DLC1: variants seen among roughly 807,000 people sequenced by gnomAD.
DLC1 encodes DLC1 Rho GTPase activating protein, also known as rho GTPase-activating protein 7.
A neutral mutation model predicts 140.3 loss-of-function variants in DLC1; 54 were observed. The ratio of observed to expected loss-of-function variants is 0.38; its 90% confidence interval spans 0.31 to 0.48. DLC1 has a LOEUF of 0.48. Among genes scored for constraint, DLC1 ranks in the 20% least tolerant of loss-of-function variants. DLC1 has a pLI of 0.96. For missense variants in DLC1, 2,536 were observed against 1,907.0 expected (o/e 1.33, Z -6.14); for synonymous variants, 986 against 728.1 (o/e 1.35, Z -5.70).
intron 5 of DLC1, among the ~76,000 whole-genome samples, chr8:13,246,175 G>T (rs1401783982): frequency 6.6e-6 from 1 of 152,110 alleles, no homozygotes; most frequent in Non-Finnish European, 1.5e-5. Flanking sequence ...TTTAGAGGCT[G>T]TTTGCAATAA....
chr8:13,405,063 G>C (rs1441599078), intron 2 of DLC1, among the ~76,000 whole-genome samples: 4 of 151,252 alleles, frequency 2.6e-5, no homozygotes, highest in African/African-American at 9.7e-5. Context: ...TTTTTTAGTA[G>C]TGGTTCCTTT....
chr8:13,326,712 C>T lies in DLC1; in HGVS notation c.1315-21410G>A, dbSNP rs116216918. Among the ~76,000 whole-genome samples the T allele has an allele frequency of 3.5e-3, 536 of 152,268 alleles. 1 individual carries two copies. Among genetic ancestry groups the T allele is most frequent in the African/African-American group, 0.012 (519 of 41,542 alleles). ...TTCAGCGTGCATTGGAATCATCTAC[C>T]GGGCCTGCTCTCAAAGTTTTCTGAT... On this transcript the variant is annotated intron_variant, in intron 4 of 17. Transcript: ENST00000276297.
At chr8:13,452,021 A>G (rs937225473) in intron 2 of DLC1, among the ~76,000 whole-genome samples, 3 of 152,030 alleles carry the variant, frequency 2.0e-5, no homozygotes, top group Non-Finnish European at 4.4e-5. Flanking sequence ...TATTTTTTTA[A>G]ATCAGACTTT....
intron 5 of DLC1, among the ~76,000 whole-genome samples, chr8:13,217,385 A>G (rs1407873835): frequency 6.6e-6 from 1 of 152,178 alleles, no homozygotes; most frequent in Non-Finnish European, 1.5e-5. Flanking sequence ...TCTTTGTACT[A>G]AGTTGTGCAT....
chr8:13,086,015 T>A, intron 17 of DLC1, 84 bp from the exon 18 acceptor site: 1 of 1,557,890 alleles, frequency 6.4e-7, no homozygotes, highest in South Asian at 1.2e-5. Context: ...GTTTGCTAGT[T>A]CAAATGCATA....
intron 4 of DLC1, among the ~76,000 whole-genome samples, chr8:13,352,038 G>A (rs1434626000): frequency 1.3e-5 from 2 of 152,160 alleles, no homozygotes; most frequent in African/African-American, 2.4e-5. Flanking sequence ...CCAGCCATAT[G>A]TCTCTATTTA....
chr8:13,482,760 G>A (rs1320717389), intron 2 of DLC1, among the ~76,000 whole-genome samples: 1 of 152,204 alleles, frequency 6.6e-6, no homozygotes, highest in African/African-American at 2.4e-5. Flanking sequence ...ATAAGATCAT[G>A]CTTGAAGTGC....
intron 4 of DLC1, among the ~76,000 whole-genome samples, chr8:13,335,320 T>G (rs1833774888): frequency 6.6e-6 from 1 of 152,042 alleles, no homozygotes. Context: ...TACAGTAGAG[T>G]TCAACTATAA....
intron 5 of DLC1, among the ~76,000 whole-genome samples, chr8:13,223,508 C>A (rs957278797): frequency 6.6e-6 from 1 of 152,106 alleles, no homozygotes; most frequent in Non-Finnish European, 1.5e-5. Context: ...AAATTGCCCA[C>A]CAGTGATATT....
intron 2 of DLC1, among the ~76,000 whole-genome samples, chr8:13,413,204 G>T (rs1837868579): frequency 6.8e-6 from 1 of 146,270 alleles, no homozygotes; most frequent in Admixed American, 6.9e-5. Flanking sequence ...CTTTGAATAT[G>T]GCCCAACACA....
At chr8:13,397,709 G>A (rs1043511242) in intron 3 of DLC1, among the ~76,000 whole-genome samples, 2 of 151,892 alleles carry the variant, frequency 1.3e-5, no homozygotes, top group South Asian at 2.1e-4. Flanking sequence ...GGTAATGTGC[G>A]CTTGTATTCT....
chr8:13,469,272 T>C (rs959847015), intron 2 of DLC1, among the ~76,000 whole-genome samples: 10 of 152,226 alleles, frequency 6.6e-5, no homozygotes, highest in South Asian at 2.1e-4. Context: ...ACTTAAAAAC[T>C]GAGATCAATA....
At chr8:13,584,881 C>A (rs779393430) in intron 1 of DLC1, among the ~76,000 whole-genome samples, 3 of 152,152 alleles carry the variant, frequency 2.0e-5, no homozygotes, top group Non-Finnish European at 2.9e-5. Flanking sequence ...TAATCTGAAA[C>A]CTTTCCCCAC....
chr8:13,133,277 G>A (rs989253453), intron 5 of DLC1: 7 of 1,319,042 alleles, frequency 5.3e-6, no homozygotes, highest in Middle Eastern at 2.9e-4. Flanking sequence ...CGCTCGGGCA[G>A]TCGGAGCGAA....
chr8:13,353,841 G>A (rs1428413216), intron 4 of DLC1, among the ~76,000 whole-genome samples: 1 of 150,764 alleles, frequency 6.6e-6, no homozygotes, highest in Non-Finnish European at 1.5e-5. Context: ...TGGGGGACAA[G>A]AGTGAGACTT....
chr8:13,088,735 G>C (rs1288147738), intron 15 of DLC1, 31 bp from the exon 16 acceptor site: 2 of 1,608,536 alleles, frequency 1.2e-6, no homozygotes, highest in Non-Finnish European at 1.7e-6. Context: ...TCAGTGCCAA[G>C]GCAATCCATA....
At chr8:13,443,884 G>C (rs1185813533) in intron 2 of DLC1, among the ~76,000 whole-genome samples, 1 of 151,962 alleles carries the variant, frequency 6.6e-6, no homozygotes. Flanking sequence ...CATGTTTGGC[G>C]TTTCTCCCTA....
At chr8:13,319,557 A>C (rs1306290898) in intron 4 of DLC1, among the ~76,000 whole-genome samples, 1 of 145,700 alleles carries the variant, frequency 6.9e-6, no homozygotes, top group Non-Finnish European at 1.5e-5. Context: ...AAAAGTGTGT[A>C]GCACCTTTCC....
rs915097180 is a variant in DLC1 at position 13,393,500 on chromosome 8, G to A, written c.1314+53C>T. 3.9e-6 allele frequency: 6 copies of A among 1,555,248 alleles called. No homozygotes were observed. The African/African-American group carries it at 6.8e-5, about 18-fold the overall frequency. On this transcript the variant is annotated intron_variant, in intron 4 of 17. Coordinates refer to ENST00000276297, the MANE Select transcript of DLC1 (RefSeq NM_182643.3). ...ATCGAATGAATATCAACTCTTACCT[G>A]ATGATCATCAACATTTACACGTAGA...
Sources: gnomAD v4.1 joint callset for allele counts (sites outside exome capture counted in the v4.1 genomes callset) on GRCh38, gnomAD v4.1.1 for gene constraint, MANE v1.5 for transcripts, NCBI Gene and HGNC (gene_info 2026-07-23, HGNC 2026-07-21) for gene names.